The following CCSER1 variants were observed in gnomAD, a reference collection of about 807,000 sequenced individuals.
CCSER1 encodes serine-rich coiled-coil domain-containing protein 1.
Under a neutral mutation model 82.0 loss-of-function variants are expected in CCSER1, and 41 were observed. The ratio of observed to expected loss-of-function variants is 0.50; its 90% CI spans 0.39 to 0.65. The LOEUF (loss-of-function observed/expected upper bound fraction) is 0.65, where lower values mean the gene tolerates loss of function less well. Ranked by LOEUF, CCSER1 falls within the 30% of genes least tolerant of loss-of-function variation. The pLI is 0.00. For synonymous variants in CCSER1, 414 were observed against 383.9 expected (o/e 1.08, Z -0.92); for missense variants, 1,119 against 1,064.2 (o/e 1.05, Z -0.72).
intron 10 of CCSER1, among the ~76,000 whole-genome samples, chr4:91,222,298 C>T (rs1237904315): frequency 2.0e-5 from 3 of 151,856 alleles, no homozygotes; most frequent in South Asian, 2.1e-4. Context: ...AGGCATCCAA[C>T]AGCCATAATC....
At chr4:90,998,053 C>T (rs1737653728) in intron 9 of CCSER1, among the ~76,000 whole-genome samples, 2 of 151,798 alleles carry the variant, frequency 1.3e-5, no homozygotes, top group South Asian at 2.1e-4. Flanking sequence ...CCATTGAAAA[C>T]TCGCTTCTTT....
intron 10 of CCSER1, among the ~76,000 whole-genome samples, chr4:91,413,918 T>G (rs754649751): frequency 1.3e-5 from 2 of 151,814 alleles, no homozygotes; most frequent in African/African-American, 4.8e-5. Context: ...AAAAAAACTA[T>G]CAACCAGAAA....
chr4:90,260,586 C>G (rs2153448255), intron 1 of CCSER1, among the ~76,000 whole-genome samples: 1 of 152,242 alleles, frequency 6.6e-6, no homozygotes, highest in African/African-American at 2.4e-5. Flanking sequence ...CCTACTTCTT[C>G]TGGTTTTCAT....
intron 5 of CCSER1, among the ~76,000 whole-genome samples, chr4:90,527,829 T>G (rs1258894817): frequency 6.6e-6 from 1 of 152,148 alleles, no homozygotes; most frequent in Non-Finnish European, 1.5e-5. Context: ...ATTGATGGTA[T>G]TGTTTAAGTA....
At chr4:91,164,487 G>A (rs919140512) in intron 10 of CCSER1, among the ~76,000 whole-genome samples, 2 of 152,062 alleles carry the variant, frequency 1.3e-5, no homozygotes, top group African/African-American at 2.4e-5. Flanking sequence ...ACCTTGCTAG[G>A]TTGGGGAAGT....
intron 3 of CCSER1, among the ~76,000 whole-genome samples, chr4:90,380,362 C>T (rs576460179): frequency 6.6e-6 from 1 of 152,086 alleles, no homozygotes; most frequent in South Asian, 2.1e-4. Context: ...TTTGATAAAT[C>T]CTAAAAAGTA....
chr4:90,781,323 C>G (rs1391795157), intron 7 of CCSER1: 2 of 984,942 alleles, frequency 2.0e-6, no homozygotes, highest in African/African-American at 1.7e-5. Context: ...AATAGTGATT[C>G]ATCAAATATG....
chr4:90,624,401 A>AG (rs1343412066), intron 5 of CCSER1, among the ~76,000 whole-genome samples: 1 of 137,434 alleles, frequency 7.3e-6, no homozygotes, highest in African/African-American at 2.8e-5. Context: ...TAGCTAAGTG[A>AG]GAAAAAAAAT....
chr4:91,321,210 T>A (rs899707798), intron 10 of CCSER1, among the ~76,000 whole-genome samples: 2 of 152,108 alleles, frequency 1.3e-5, no homozygotes, highest in Non-Finnish European at 2.9e-5. Context: ...CAAATAGGAA[T>A]GCTATGATAA....
chr4:90,795,134 C>T (rs570960592), intron 7 of CCSER1, among the ~76,000 whole-genome samples: 106 of 151,948 alleles, frequency 7.0e-4, no homozygotes, highest in African/African-American at 2.4e-3. Flanking sequence ...ACTAAAAATA[C>T]AACTTAGCTA....
rs555748651 is a variant in CCSER1 at position 91,523,598 on chromosome 4, C to T, written c.2218-74974C>T. 5.9e-5 allele frequency among the ~76,000 whole-genome samples: 9 copies of T among 152,214 alleles called. No individual in the cohort carries two copies. In the East Asian group the frequency reaches 1.7e-3, roughly 29 times the overall value. On this transcript the variant is annotated intron_variant, in intron 10 of 10. Coordinates refer to ENST00000509176, the MANE Select transcript of CCSER1 (RefSeq NM_001145065.2). ...GGATGCAACTTCTTCCTGGTTTAGT[C>T]TTGGGAGGGTATATGTGTCCAGGAA...
intron 3 of CCSER1, among the ~76,000 whole-genome samples, chr4:90,363,920 C>CT (rs1561100195): frequency 6.6e-6 from 1 of 151,908 alleles, no homozygotes; most frequent in African/African-American, 2.4e-5. Flanking sequence ...AATATTTATG[C>CT]TTTTGTGGTA....
chr4:90,571,213 G>C (rs977748618), intron 5 of CCSER1, among the ~76,000 whole-genome samples: 1 of 152,132 alleles, frequency 6.6e-6, no homozygotes, highest in Non-Finnish European at 1.5e-5. Context: ...ATTCAACCCA[G>C]CTATCTCATT....
At chr4:90,860,702 T>G (rs79366246) in intron 8 of CCSER1, among the ~76,000 whole-genome samples, 9,969 of 151,518 alleles carry the variant, frequency 0.066, 684 homozygotes, top group African/African-American at 0.18. Flanking sequence ...CCATGAAAAA[T>G]AAAACACTAG....
chr4:91,437,281 G>T (rs1754719957), intron 10 of CCSER1, among the ~76,000 whole-genome samples: 1 of 152,198 alleles, frequency 6.6e-6, no homozygotes, highest in Non-Finnish European at 1.5e-5. Flanking sequence ...AAGCATGTTT[G>T]TTCAGAAGGC....
intron 10 of CCSER1, among the ~76,000 whole-genome samples, chr4:91,541,435 G>A (rs987114598): frequency 6.6e-6 from 1 of 152,110 alleles, no homozygotes; most frequent in African/African-American, 2.4e-5. Flanking sequence ...GTGTCCAAGT[G>A]TTCTCATGTT....
chr4:90,331,908 C>G (rs1169616948), intron 3 of CCSER1, among the ~76,000 whole-genome samples: 2 of 151,510 alleles, frequency 1.3e-5, no homozygotes, highest in Non-Finnish European at 2.9e-5. Context: ...CAAAACAGAA[C>G]TTGTAGGAAG....
chr4:90,464,794 CATTAT>C (rs1192110360), intron 4 of CCSER1, among the ~76,000 whole-genome samples: 5 of 152,148 alleles, frequency 3.3e-5, no homozygotes, highest in Non-Finnish European at 7.4e-5. Context: ...TTTTATATTA[CATTAT>C]AATTGTCTGC....
At chr4:90,887,530 G>A (rs531449657) in intron 8 of CCSER1, among the ~76,000 whole-genome samples, 3 of 152,038 alleles carry the variant, frequency 2.0e-5, no homozygotes, top group Admixed American at 6.6e-5. Context: ...TCATATATTC[G>A]GGAACCTCAG....
Sources: allele counts gnomAD v4.1 joint callset (sites outside exome capture counted in the v4.1 genomes callset), GRCh38; gene constraint gnomAD v4.1.1; transcripts MANE v1.5; gene names NCBI Gene and HGNC (gene_info 2026-07-23, HGNC 2026-07-21).